PCDHA5: variants seen among roughly 807,000 people sequenced by gnomAD.
The protein encoded by PCDHA5 is protocadherin alpha-5.
In PCDHA5, 43 loss-of-function variants were observed where a neutral mutation model predicts 61.6. That is an observed-to-expected ratio of 0.70 (90% CI 0.55 to 0.90). The LOEUF (loss-of-function observed/expected upper bound fraction) is 0.90. Among genes scored for constraint, PCDHA5 ranks in the 40% least tolerant of loss-of-function variants. The probability of loss-of-function intolerance (pLI) is 0.00; values close to 1 mark genes in which losing one functional copy is unlikely to be tolerated. For synonymous variants in PCDHA5, 627 were observed against 543.9 expected, an observed-to-expected ratio of 1.15 and a Z score of -2.13; for missense variants, 1,298 against 1,222.7, an observed-to-expected ratio of 1.06 and a Z score of -0.92.
chr5:140,823,279 C>T lies in PCDHA5; in HGVS notation c.1504C>T (p.Pro502Ser), dbSNP rs140654699. 29 of 1,612,318 alleles carry T rather than the reference C, an allele frequency of 1.8e-5. No homozygotes were observed. The highest frequency in any genetic ancestry group is 2.2e-5 in the Non-Finnish European group (26 of 1,179,758). Residue 502 changes from proline (P) to serine (S), a missense_variant, in exon 1 of 4, where the codon CCG (proline) becomes TCG (serine). Pro to Ser is a moderately conservative substitution (Grantham distance 74, BLOSUM62 -1). Coordinates refer to ENST00000529859, the MANE Select transcript of PCDHA5 (RefSeq NM_018908.3). ...GGTGGAGCGGCGGGTGGGCGAGCGC[C>T]CGCTGTCGAGTTACGTTTCGGTGCA... ...SLVERRVGER[P>S]LSSYVSVHAE...
Position 140,929,131 on chromosome 5 carries a change from G to A in PCDHA5, c.2353-49818G>A, listed in dbSNP as rs782040825. ...ATCAGCCACCATAGATGTCACTACA[G>A]TTGAGAGACTTTCTCAGACTTATCT... On this transcript the variant is annotated intron_variant, in intron 1 of 3. Coordinates refer to ENST00000529859, the MANE Select transcript of PCDHA5 (RefSeq NM_018908.3). 5.0e-6 allele frequency: 8 copies of A among 1,614,036 alleles called. No homozygotes were observed. The East Asian group carries it at 6.7e-5, about 13-fold the overall frequency.
chr5:140,823,314 C>T lies in PCDHA5; in HGVS notation c.1539C>T (p.Ser513=), dbSNP rs1767654133. The T allele has an allele frequency of 3.1e-6, 5 of 1,612,084 alleles. No individual in the cohort carries two copies. The African/African-American group carries it at 5.3e-5, about 17-fold the overall frequency. ...LSSYVSVHAE[S]GKVYALQPLD... ...GTTACGTTTCGGTGCACGCGGAGAG[C>T]GGCAAGGTGTACGCGCTGCAGCCGC... Residue 513 remains serine (S), a synonymous_variant, in exon 1 of 4, where the codon AGC becomes AGT. Transcript: ENST00000529859.
At chr5:140,990,107 A>C (rs1359747896) in intron 3 of PCDHA5, among the ~76,000 whole-genome samples, 1 of 152,044 alleles carries the variant, frequency 6.6e-6, no homozygotes, top group East Asian at 1.9e-4. Context: ...TGAAACAGGA[A>C]ATTGAGAGCT....
chr5:140,826,608 G>A (rs1447387034), intron 1 of PCDHA5, among the ~76,000 whole-genome samples: 2 of 152,100 alleles, frequency 1.3e-5, no homozygotes, highest in African/African-American at 4.8e-5. Context: ...TAAATTAAGG[G>A]CGAAGTTGAT....
At chr5:140,866,557 A>G (rs1554160392) in intron 1 of PCDHA5, 1 of 152,136 alleles carries the variant, frequency 6.6e-6, no homozygotes, top group Non-Finnish European at 1.5e-5. Context: ...TAAATCCTAT[A>G]ATTTTGTTAA....
intron 3 of PCDHA5, among the ~76,000 whole-genome samples, chr5:141,008,870 C>G (rs539100133): frequency 1.4e-4 from 22 of 152,126 alleles, no homozygotes; most frequent in Non-Finnish European, 7.3e-5. Flanking sequence ...ATGCTGCATC[C>G]CACCACCCTT....
chr5:140,932,101 T>G (rs1281828369), intron 1 of PCDHA5, among the ~76,000 whole-genome samples: 6 of 151,958 alleles, frequency 3.9e-5, no homozygotes, highest in Non-Finnish European at 8.8e-5. Context: ...TTTTTATCTC[T>G]GTATTTCCAA....
intron 1 of PCDHA5, chr5:140,927,767 A>G (rs2084615997): frequency 6.2e-7 from 1 of 1,614,176 alleles, no homozygotes. Context: ...AAAAGTGGGG[A>G]GGTGCAAGTA....
intron 1 of PCDHA5, among the ~76,000 whole-genome samples, chr5:140,939,735 G>A (rs2092448026): frequency 6.6e-6 from 1 of 152,174 alleles, no homozygotes; most frequent in South Asian, 2.1e-4. Flanking sequence ...GTGTGTAGCT[G>A]TGTATCATTC....
At chr5:140,862,291 C>G (rs1029513176) in intron 1 of PCDHA5, 4 of 265,238 alleles carry the variant, frequency 1.5e-5, no homozygotes, top group African/African-American at 6.6e-5. Context: ...TACAGGAGGA[C>G]GCTCCACTGG....
chr5:141,008,284 GC>G (rs2098367825), intron 3 of PCDHA5, among the ~76,000 whole-genome samples: 1 of 152,150 alleles, frequency 6.6e-6, no homozygotes, highest in Admixed American at 6.5e-5. Context: ...AATTGAAATA[GC>G]AGTTGTACCC....
chr5:140,928,168 A>T, intron 1 of PCDHA5: 3 of 1,614,174 alleles, frequency 1.9e-6, no homozygotes, highest in Non-Finnish European at 2.5e-6. Flanking sequence ...ACCCCCACTT[A>T]GCACCCGAAG....
chr5:140,878,474 C>A (rs1227598146), intron 1 of PCDHA5, among the ~76,000 whole-genome samples: 1 of 152,134 alleles, frequency 6.6e-6, no homozygotes, highest in Non-Finnish European at 1.5e-5. Flanking sequence ...AATCATTTCT[C>A]AATTTAAAAA....
chr5:140,947,038 A>G (rs2094072618), intron 1 of PCDHA5, among the ~76,000 whole-genome samples: 1 of 151,776 alleles, frequency 6.6e-6, no homozygotes, highest in Admixed American at 6.6e-5. Context: ...TATACTAATT[A>G]CCCTGATTTG....
Position 141,010,304 on chromosome 5 carries a change from A to C in PCDHA5, c.*367A>C. 1.3e-6 allele frequency: 2 copies of C among 1,548,750 alleles called. No homozygotes were observed. Among genetic ancestry groups the C allele is most frequent in the Non-Finnish European group, 8.7e-7 (1 of 1,146,136 alleles). On this transcript the variant is annotated 3_prime_UTR_variant, in exon 4 of 4. Coordinates refer to ENST00000529859, the MANE Select transcript of PCDHA5 (RefSeq NM_018908.3). ...ATGACACTTGCAGGGCAGGCTGAAA[A>C]GTTTTGAGATTGAGCAGCTTGGGAG...
intron 1 of PCDHA5, among the ~76,000 whole-genome samples, chr5:140,913,928 G>A (rs2076511708): frequency 1.3e-5 from 2 of 151,918 alleles, no homozygotes; most frequent in Non-Finnish European, 2.9e-5. Flanking sequence ...CTTCATTGTG[G>A]TCAGAGAAGA....
chr5:140,882,265 T>A (rs782012488), intron 1 of PCDHA5: 2 of 1,609,948 alleles, frequency 1.2e-6, no homozygotes, highest in African/African-American at 2.7e-5. Flanking sequence ...TTTTGGAGTG[T>A]ACCATGCTGT....
intron 1 of PCDHA5, among the ~76,000 whole-genome samples, chr5:140,932,720 G>A (rs868927369): frequency 6.6e-5 from 10 of 151,848 alleles, no homozygotes; most frequent in Non-Finnish European, 1.5e-5. Flanking sequence ...CAATAATATT[G>A]TATAATATAG....
At chr5:140,982,240 A>G (rs1257297614) in intron 2 of PCDHA5, 14 of 694,558 alleles carry the variant, frequency 2.0e-5, no homozygotes, top group Admixed American at 3.6e-5. Flanking sequence ...CAGAATTGCC[A>G]TAAAGATAGA....
Sources: allele counts gnomAD v4.1 joint callset (sites outside exome capture counted in the v4.1 genomes callset), GRCh38; gene constraint gnomAD v4.1.1; transcripts MANE v1.5; gene names NCBI Gene and HGNC (gene_info 2026-07-23, HGNC 2026-07-21).